The following INPP4A variants were observed in gnomAD, a reference collection of about 807,000 sequenced individuals.
INPP4A encodes inositol polyphosphate-4-phosphatase, type I, 107kD.
INPP4A carries 33 observed loss-of-function variants against 119.8 expected under a neutral mutation model. The observed-to-expected ratio is 0.28, with a 90% confidence interval of 0.21 to 0.37. The LOEUF (loss-of-function observed/expected upper bound fraction) is 0.37, where lower values mean the gene tolerates loss of function less well. INPP4A is among the 10% of genes least tolerant of loss of function. The pLI, the probability that INPP4A is intolerant of heterozygous loss-of-function variation, is 1.00. For synonymous variants in INPP4A, 496 were observed against 500.7 expected (o/e 0.99, Z 0.12); for missense variants, 956 against 1,289.9 (o/e 0.74, Z 3.97).
intron 1 of INPP4A, among the ~76,000 whole-genome samples, chr2:98,450,128 G>A (rs1694964448): frequency 6.6e-6 from 1 of 152,004 alleles, no homozygotes; most frequent in South Asian, 2.1e-4. Flanking sequence ...TAAATGACAA[G>A]GAACCCAAGC....
chr2:98,536,253 G>T, intron 7 of INPP4A, 45 bp downstream of exon 7: 1 of 1,224,678 alleles, frequency 8.2e-7, no homozygotes, highest in South Asian at 1.3e-5. Flanking sequence ...GGAATCATGA[G>T]GTCCAGGGAC....
intron 24 of INPP4A, among the ~76,000 whole-genome samples, chr2:98,580,519 C>T (rs1404890613): frequency 6.6e-6 from 1 of 152,234 alleles, no homozygotes; most frequent in East Asian, 1.9e-4. Context: ...GGCTGAACCC[C>T]TCGAAGTAGG....
intron 1 of INPP4A, among the ~76,000 whole-genome samples, chr2:98,488,680 G>GA (rs1680053334): frequency 6.6e-6 from 1 of 152,122 alleles, no homozygotes; most frequent in African/African-American, 2.4e-5. Flanking sequence ...CTAACCAGAG[G>GA]AAAAAACCAG....
Position 98,539,508 on chromosome 2 carries a change from C to T in INPP4A, c.671-20C>T, listed in dbSNP as rs115012976. 82 of 1,596,738 alleles carry T rather than the reference C, an allele frequency of 5.1e-5. No individual in the cohort carries two copies. The African/African-American group carries it at 1.0e-3, about 20-fold the overall frequency. On this transcript the variant is annotated intron_variant, in intron 9 of 24. Transcript: ENST00000409851. ...CAGCCAGTTCATTTGCAGCCTGTCT[C>T]CCTTGTCATCCCACCTCAGTGTTCG... is the stretch of plus-strand genomic sequence containing the variant.
Position 98,519,972 on chromosome 2 carries a change from GC to G in INPP4A, c.-76del, listed in dbSNP as rs1686872967. On this transcript the variant is annotated 5_prime_UTR_variant, in exon 3 of 25. It introduces an in-frame stop codon into an upstream open reading frame of the 5' UTR. Coordinates refer to ENST00000409851, the MANE Select transcript of INPP4A (RefSeq NM_001134225.2). ...GCTACTGCCACTTTAGTGGACTAGG[GC>G]TCGGTGCCAGCACTTCCCGGGTAAT... The G allele has an allele frequency of 8.4e-7, 1 of 1,187,170 alleles. No homozygotes were observed. The highest frequency in any genetic ancestry group is 2.6e-5 in the East Asian group (1 of 39,064). The allele number at this position is 1,187,170 out of a possible 1,614,324, so 73.5% of individuals were successfully genotyped here.
intron 1 of INPP4A, among the ~76,000 whole-genome samples, chr2:98,490,481 G>T (rs1680482479): frequency 6.6e-6 from 1 of 152,058 alleles, no homozygotes; most frequent in Non-Finnish European, 1.5e-5. Flanking sequence ...CCTCACAGAG[G>T]TACCTCAAGT....
At chr2:98,467,148 G>A (rs1447170827) in intron 1 of INPP4A, among the ~76,000 whole-genome samples, 1 of 152,080 alleles carries the variant, frequency 6.6e-6, no homozygotes, top group African/African-American at 2.4e-5. Flanking sequence ...TGGTGGTGGT[G>A]TCCCAGGCTC....
chr2:98,480,118 A>ACCC (rs1307092038), intron 1 of INPP4A, among the ~76,000 whole-genome samples: 6 of 152,114 alleles, frequency 3.9e-5, no homozygotes, highest in African/African-American at 1.4e-4. Flanking sequence ...TCTGGCTGAC[A>ACCC]CCCTCCCTGC....
chr2:98,535,857 T>C lies in INPP4A; in HGVS notation c.387+12T>C. The C allele has an allele frequency of 1.5e-6, 2 of 1,300,090 alleles. No individual in the cohort carries two copies. Among genetic ancestry groups the C allele is most frequent in the Non-Finnish European group, 2.2e-6 (2 of 910,590 alleles). 80.5% of individuals were successfully genotyped at this position (1,300,090 alleles called of 1,614,324 possible). ...GATCTCAGGGAACAGTTAAGTAATG[T>C]GTTGTAGTTCGTGGGATTTTCTTCC... On this transcript the variant is annotated intron_variant, in intron 6 of 24. Transcript: ENST00000409851.
intron 13 of INPP4A, among the ~76,000 whole-genome samples, chr2:98,548,173 G>T (rs113716489): frequency 2.0e-5 from 3 of 152,172 alleles, no homozygotes; most frequent in East Asian, 3.8e-4. Context: ...ATTCAGATAC[G>T]TGCACAGGCT....
chr2:98,572,855 G>T lies in INPP4A; in HGVS notation c.2559G>T (p.Leu853=). ...RSRSQTCLPE[L]LRFLGQNVHA... ...GCAGTCAGACGTGCCTGCCAGAGCT[G>T]CTGCGGTTTCTGGGTCAGAACGTGC... Residue 853 remains leucine (L), a synonymous_variant, in exon 23 of 25, where the codon CTG becomes CTT. Coordinates refer to ENST00000409851, the MANE Select transcript of INPP4A (RefSeq NM_001134225.2). 6.3e-7 allele frequency: 1 copy of T among 1,575,302 alleles called. No homozygotes were observed. The highest frequency in any genetic ancestry group is 1.8e-5 in the Admixed American group (1 of 54,984).
At chr2:98,557,314 G>C (rs1040386912) in intron 16 of INPP4A, among the ~76,000 whole-genome samples, 1 of 152,210 alleles carries the variant, frequency 6.6e-6, no homozygotes, top group African/African-American at 2.4e-5. Flanking sequence ...TAACTCTGCT[G>C]ATCAGTACTC....
intron 23 of INPP4A, among the ~76,000 whole-genome samples, chr2:98,575,942 G>A (rs1332931616): frequency 6.6e-6 from 1 of 152,108 alleles, no homozygotes; most frequent in Non-Finnish European, 1.5e-5. Flanking sequence ...AAAGTACTGT[G>A]GTACACAGTT....
At chr2:98,560,671 G>C (rs139956693) in intron 17 of INPP4A, among the ~76,000 whole-genome samples, 1 of 152,136 alleles carries the variant, frequency 6.6e-6, no homozygotes, top group African/African-American at 2.4e-5. Context: ...TTGCCTCCCC[G>C]GGCCCATGCC....
chr2:98,552,288 G>T lies in INPP4A; in HGVS notation c.1164-498G>T, dbSNP rs77843433. 3.8e-3 allele frequency among the ~76,000 whole-genome samples: 586 copies of T among 152,300 alleles called. 3 individuals carry two copies. The highest frequency in any genetic ancestry group is 0.013 in the African/African-American group (549 of 41,558). The stretch of plus-strand genomic sequence containing the variant: ...GGACGACTGTGGGTATGTTCACAGG[G>T]AGCTTGAATGCCTGATTGGCCAAAA... On this transcript the variant is annotated intron_variant, in intron 13 of 24. Coordinates refer to ENST00000409851, the MANE Select transcript of INPP4A (RefSeq NM_001134225.2).
Position 98,546,592 on chromosome 2 carries a change from A to T in INPP4A, c.1061A>T (p.Asn354Ile), listed in dbSNP as rs1011885464. 11 of 1,612,684 alleles carry T rather than the reference A, an allele frequency of 6.8e-6. No homozygotes were observed. The highest frequency in any genetic ancestry group is 5.0e-5 in the Admixed American group (3 of 60,014). Residue 354 changes from asparagine to isoleucine, a missense_variant, in exon 13 of 25, where the codon AAC becomes ATC. Asn to Ile is a moderately radical substitution (Grantham distance 149). Coordinates refer to ENST00000409851, the MANE Select transcript of INPP4A (RefSeq NM_001134225.2). The surrounding 1 kb of genome is among the most constrained non-coding windows in gnomAD (Gnocchi z 4.2). ...AGAGCTTTCTGTCATTCAGATCAGAACTACGACATCGTCACCATTGGGGCG... is the reference window on the plus strand; with the variant it reads ...AGAGCTTTCTGTCATTCAGATCAGATCTACGACATCGTCACCATTGGGGCG... ...RVQDDGGSDQ[N>I]YDIVTIGAPA...
At chr2:98,446,700 T>C (rs1694253229) in intron 1 of INPP4A, among the ~76,000 whole-genome samples, 1 of 152,210 alleles carries the variant, frequency 6.6e-6, no homozygotes, top group African/African-American at 2.4e-5. Flanking sequence ...GCTACTTTTT[T>C]CATTTAGATT....
chr2:98,594,009 C>T lies in INPP4A; in HGVS notation c.*6401C>T, dbSNP rs1700507177. 6.6e-6 allele frequency: 1 copy of T among 152,220 alleles called. No homozygotes were observed. Among genetic ancestry groups the T allele is most frequent in the Non-Finnish European group, 1.5e-5 (1 of 68,042 alleles). 9.4% of individuals were successfully genotyped at this position (152,220 alleles called of 1,614,324 possible). A position where few individuals can be genotyped will look rare whatever the true frequency, so the allele number is the denominator to read the frequency against. On this transcript the variant is annotated 3_prime_UTR_variant, in exon 25 of 25. Coordinates refer to ENST00000409851, the MANE Select transcript of INPP4A (RefSeq NM_001134225.2). The stretch of plus-strand genomic sequence containing the variant: ...TCAGTCCCCTCTGTATTCACAAGAG[C>T]AAGTGTAATGCCCGCTGTGAAGGAG...
intron 16 of INPP4A, among the ~76,000 whole-genome samples, 181 bp from the exon 17 acceptor site, chr2:98,559,282 C>G (rs978169471): frequency 6.6e-6 from 1 of 152,224 alleles, no homozygotes. Flanking sequence ...TGCCTTGGAG[C>G]AGCCAGAGTA....
Sources: gnomAD v4.1 joint callset for allele counts (sites outside exome capture counted in the v4.1 genomes callset) on GRCh38, gnomAD v4.1.1 for gene constraint, Gnocchi (gnomAD v3.1) non-coding constraint, MANE v1.5 for transcripts, NCBI Gene and HGNC (gene_info 2026-07-23, HGNC 2026-07-21) for gene names.